UBOX5: variants seen among roughly 807,000 people sequenced by gnomAD.
UBOX5 encodes RING finger protein 37.
In UBOX5, 28 loss-of-function variants were observed where a neutral mutation model predicts 39.0. That is an observed-to-expected ratio of 0.72 (90% CI 0.53 to 0.98). The LOEUF (loss-of-function observed/expected upper bound fraction) is 0.98. Ranked by LOEUF, UBOX5 falls within the 50% of genes least tolerant of loss-of-function variation. The pLI is 0.00. For missense variants in UBOX5, 585 were observed against 674.4 expected (o/e 0.87, Z 1.47); for synonymous variants, 283 against 275.5 (o/e 1.03, Z -0.27).
chr20:3,152,100 CAAAAAAAAAAAA>C (rs60655157), intron 1 of UBOX5, among the ~76,000 whole-genome samples: 17 of 62,884 alleles, frequency 2.7e-4, no homozygotes, highest in Non-Finnish European at 5.1e-4. Context: ...GACTCTGTCT[CAAAAAAAAAAAA>C]AAAAAAAAAA....
intron 1 of UBOX5, chr20:3,150,511 T>A (rs550156596): frequency 6.6e-6 from 1 of 152,372 alleles, no homozygotes; most frequent in South Asian, 2.1e-4. Flanking sequence ...CTTTCCTTAA[T>A]GCTTATTCTT....
At chr20:3,150,349 T>C (rs939724250) in intron 1 of UBOX5, among the ~76,000 whole-genome samples, 2 of 152,150 alleles carry the variant, frequency 1.3e-5, no homozygotes, top group Admixed American at 1.3e-4. Flanking sequence ...GGAACGCCAA[T>C]TGACGCAACT....
intron 1 of UBOX5, among the ~76,000 whole-genome samples, chr20:3,157,499 T>C (rs2066698466): frequency 1.3e-5 from 2 of 151,798 alleles, no homozygotes; most frequent in African/African-American, 2.4e-5. Context: ...GCTTCTCTTT[T>C]AAGACTCTGC....
chr20:3,115,239 G>A, intron 4 of UBOX5, 66 bp downstream of exon 4: 3 of 1,528,072 alleles, frequency 2.0e-6, no homozygotes, highest in Non-Finnish European at 2.6e-6. Context: ...ACTCGGCCCA[G>A]CATCCAGAGA....
chr20:3,152,251 C>A (rs1275722339), intron 1 of UBOX5, among the ~76,000 whole-genome samples: 1 of 150,490 alleles, frequency 6.6e-6, no homozygotes, highest in Non-Finnish European at 1.5e-5. Flanking sequence ...GAGGCTGAGG[C>A]GGGTGGATCT....
chr20:3,143,578 G>A (rs1200810165), intron 1 of UBOX5, among the ~76,000 whole-genome samples: 10 of 152,166 alleles, frequency 6.6e-5, no homozygotes, highest in South Asian at 2.1e-4. Flanking sequence ...GGTGGATCAC[G>A]AGGTCAGGAG....
chr20:3,138,768 C>A (rs1438317456), intron 1 of UBOX5, among the ~76,000 whole-genome samples: 1 of 152,148 alleles, frequency 6.6e-6, no homozygotes, highest in Non-Finnish European at 1.5e-5. Flanking sequence ...TGAGGTTCAG[C>A]ACCTGGGGGT....
intron 1 of UBOX5, among the ~76,000 whole-genome samples, chr20:3,158,581 G>T (rs369995174): frequency 4.6e-5 from 7 of 151,998 alleles, no homozygotes; most frequent in South Asian, 2.1e-4. Flanking sequence ...TTCACGCCAC[G>T]CTCCTGCCTC....
rs757536584 is a variant in UBOX5 at position 3,122,224 on chromosome 20, T to C, written c.415A>G (p.Arg139Gly). ...GCTTCCATCGCGCCAAAAGGGGGCC[T>C]GGCCTTGAAGCCCCTGTGGCTAAAC... ...VVFSHRGFKARPPFGAMEATL... is the reference protein window; with the variant it reads ...VVFSHRGFKAGPPFGAMEATL... The change falls in exon 3 of 5, where the codon AGG becomes GGG. Residue 139 changes from arginine (R) to glycine (G), a missense_variant. Coordinates refer to ENST00000217173, the MANE Select transcript of UBOX5 (RefSeq NM_014948.4). 2.5e-6 allele frequency: 4 copies of C among 1,614,228 alleles called. No individual in the cohort carries two copies. The highest frequency in any genetic ancestry group is 1.7e-6 in the Non-Finnish European group (2 of 1,180,040).
rs59349457 is a variant in UBOX5 at position 3,138,381 on chromosome 20, T to G, written c.-41-14975A>C. ...ATAGTTGGAGAGGTAATGGTGGGCA[T>G]GCAGAAATGTAAACATCCGACATAC... On this transcript the variant is annotated intron_variant, in intron 1 of 4. Coordinates refer to ENST00000217173, the MANE Select transcript of UBOX5 (RefSeq NM_014948.4). 2.3e-3 allele frequency among the ~76,000 whole-genome samples: 345 copies of G among 152,332 alleles called. 1 individual carries two copies. In the East Asian group the frequency reaches 0.03, roughly 13 times the overall value.
In UBOX5 at chr20:3,110,274, G is replaced by A; in HGVS notation, c.1458C>T (p.Cys486=). The change falls in exon 5 of 5, where the codon TGC becomes TGT. Residue 486 remains cysteine, a synonymous_variant. Transcript: ENST00000217173. ...GSILGPECAS[C]KRVFSPYFKK... The stretch of plus-strand genomic sequence containing the variant: ...TGAAGTAGGGAGAAAATACTCTTTT[G>A]CAGGAGGCACATTCGGGGCCCAGGA... 6.2e-7 allele frequency: 1 copy of A among 1,614,168 alleles called. No homozygotes were observed. Among genetic ancestry groups the A allele is most frequent in the Non-Finnish European group, 8.5e-7 (1 of 1,180,036 alleles).
At chr20:3,134,207 A>G (rs1173751816) in intron 1 of UBOX5, among the ~76,000 whole-genome samples, 3 of 152,158 alleles carry the variant, frequency 2.0e-5, no homozygotes, top group African/African-American at 7.2e-5. Context: ...TCCATTAAGC[A>G]TTATATTAAG....
Position 3,110,297 on chromosome 20 carries a change from G to A in UBOX5, c.1435C>T (p.Leu479=). ...TTGCAGGAGGCACATTCGGGGCCCAGGATGCTCCCAGGCTGCTCTGGTAAA... is the reference window on the plus strand; with the variant it reads ...TTGCAGGAGGCACATTCGGGGCCCAAGATGCTCCCAGGCTGCTCTGGTAAA... The part of the protein sequence containing the change: ...GTGSEQPGSI[L]GPECASCKRV... Residue 479 remains leucine, a synonymous_variant, in exon 5 of 5, where the codon CTG becomes TTG. Transcript: ENST00000217173. 1.2e-6 allele frequency: 2 copies of A among 1,614,138 alleles called. No individual in the cohort carries two copies. Among genetic ancestry groups the A allele is most frequent in the Non-Finnish European group, 1.7e-6 (2 of 1,180,030 alleles).
At chr20:3,122,893 G>A (rs182747352) in intron 2 of UBOX5, among the ~76,000 whole-genome samples, 2 of 151,854 alleles carry the variant, frequency 1.3e-5, no homozygotes. Flanking sequence ...ATAGGCCTGG[G>A]CAACATAGCA....
intron 1 of UBOX5, chr20:3,148,283 T>C: frequency 6.2e-7 from 1 of 1,611,580 alleles, no homozygotes; most frequent in Non-Finnish European, 8.5e-7. Flanking sequence ...AGAAAAAATG[T>C]TTAAAAACCT....
rs771617591 is a variant in UBOX5, at chr20:3,115,380, G to A, written c.1342C>T (p.Arg448Trp). The A allele has an allele frequency of 5.0e-6, 8 of 1,614,048 alleles. No homozygotes were observed. Among genetic ancestry groups the A allele is most frequent in the African/African-American group, 2.7e-5 (2 of 74,928 alleles). Residue 448 changes from arginine (R) to tryptophan (W), a missense_variant, in exon 4 of 5, where the codon CGG becomes TGG. Coordinates refer to ENST00000217173, the MANE Select transcript of UBOX5 (RefSeq NM_014948.4). ...TGCTGGAGCTGTCCCCTGGTCAGCCGTGCCGTGAAGGAGGGCATAGAGCCA... is the reference window on the plus strand; with the variant it reads ...TGCTGGAGCTGTCCCCTGGTCAGCCATGCCGTGAAGGAGGGCATAGAGCCA... Reference protein sequence around the residue: ...TLGSMPSFTARLTRGQLQHLG... With the variant: ...TLGSMPSFTAWLTRGQLQHLG...
intron 1 of UBOX5, among the ~76,000 whole-genome samples, chr20:3,133,899 C>G (rs540943715): frequency 6.6e-6 from 1 of 151,910 alleles, no homozygotes; most frequent in Non-Finnish European, 1.5e-5. Flanking sequence ...ACTACAGGCG[C>G]GCACCACCAC....
intron 1 of UBOX5, among the ~76,000 whole-genome samples, chr20:3,142,933 A>T (rs1366554722): frequency 6.6e-6 from 1 of 151,860 alleles, no homozygotes; most frequent in Non-Finnish European, 1.5e-5. Context: ...TAAGGCAAGA[A>T]AAAAGAAAAA....
chr20:3,125,267 C>CAT (rs1228332238), intron 1 of UBOX5, among the ~76,000 whole-genome samples: 37 of 146,228 alleles, frequency 2.5e-4, no homozygotes, highest in Middle Eastern at 3.7e-3. Context: ...CCCGGCTGCC[C>CAT]CGTCTGGGAG....
Sources: gnomAD v4.1 joint callset for allele counts (sites outside exome capture counted in the v4.1 genomes callset) on GRCh38, gnomAD v4.1.1 for gene constraint, MANE v1.5 for transcripts, NCBI Gene and HGNC (gene_info 2026-07-23, HGNC 2026-07-21) for gene names.